DOC2A: variants seen among roughly 807,000 people sequenced by gnomAD.
The protein encoded by DOC2A is double C2-like domain-containing protein alpha.
In DOC2A, 28 loss-of-function variants were observed where a neutral mutation model predicts 40.6. The ratio of observed to expected loss-of-function variants is 0.69; its 90% CI spans 0.51 to 0.95. DOC2A has a LOEUF of 0.95. Among genes scored for constraint, DOC2A ranks in the 40% least tolerant of loss-of-function variants. The pLI is 0.00. For synonymous variants in DOC2A, 241 were observed against 236.9 expected (o/e 1.02, Z -0.16); for missense variants, 474 against 552.5 (o/e 0.86, Z 1.42).
chr16:30,013,603 C>CAAAA (rs61309249), upstream of DOC2A: 28 of 34,886 alleles, frequency 8.0e-4, no homozygotes, highest in Middle Eastern at 0.01. Context: ...GACCCTGTCT[C>CAAAA]AAAAAAAAAA....
chr16:30,016,055 A>ATATATTTTTTT (rs1163519904), upstream of DOC2A, among the ~76,000 whole-genome samples: 5 of 16,898 alleles, frequency 3.0e-4, no homozygotes, highest in Admixed American at 1.2e-3. Flanking sequence ...ATATATATAT[A>ATATATTTTTTT]TTTTTTTTTT....
rs143554943 is a variant in DOC2A at position 30,009,217 on chromosome 16, C to G, written c.402G>C (p.Leu134=). 322 of 1,587,206 alleles carry G rather than the reference C, an allele frequency of 2.0e-4. No individual in the cohort carries two copies. The highest frequency in any genetic ancestry group is 2.3e-4 in the Non-Finnish European group (267 of 1,165,540). ...AGGCTGTTACCTTACAGGCTCCAGG[C>G]AGCAAGTGCAGCTTGACGTAGGGGT... is the stretch of plus-strand genomic sequence containing the variant. ...LADPYVKLHL[L]PGACKANKLK... The change falls in exon 4 of 11, where the codon CTG becomes CTC. Residue 134 remains leucine (L), a synonymous_variant. Transcript: ENST00000350119. The surrounding 1 kb of genome is among the most constrained non-coding windows in gnomAD (Gnocchi z 4.1).
chr16:30,009,101 T>C lies in DOC2A; in HGVS notation c.422A>G (p.Asn141Ser), dbSNP rs769699664. ...LHLLPGACKA[N>S]KLKTKTQRNT... ...CCTCTGAGTCTTCGTTTTTAGCTTA[T>C]TGGCCTGGGATGTGGGGATGAAAGG... is the stretch of plus-strand genomic sequence containing the variant. Residue 141 changes from asparagine to serine, a missense_variant, in exon 5 of 11, where the codon AAT becomes AGT. By Grantham distance (46) the Asn-to-Ser change is conservative. Coordinates refer to ENST00000350119, the MANE Select transcript of DOC2A (RefSeq NM_003586.3). The surrounding 1 kb of genome is among the most constrained non-coding windows in gnomAD (Gnocchi z 4.1). 2 of 1,614,024 alleles carry C rather than the reference T, an allele frequency of 1.2e-6. No homozygotes were observed. The highest frequency in any genetic ancestry group is 3.3e-5 in the Admixed American group (2 of 60,024).
chr16:30,005,868 G>A lies in DOC2A; in HGVS notation c.*318C>T, dbSNP rs751798869. 7 of 489,966 alleles carry A rather than the reference G, an allele frequency of 1.4e-5. No homozygotes were observed. Among genetic ancestry groups the A allele is most frequent in the Non-Finnish European group, 2.2e-5 (6 of 275,574 alleles). 30.4% of individuals were successfully genotyped at this position (489,966 alleles called of 1,614,324 possible). A position where few individuals can be genotyped will look rare whatever the true frequency, so the allele number is the denominator to read the frequency against. ...TAATCCGACCTCCTCCCTGTTGGGG[G>A]AGAGGGACGGGGCAGCGTGGAGAGG... On this transcript the variant is annotated 3_prime_UTR_variant, in exon 11 of 11. Coordinates refer to ENST00000350119, the MANE Select transcript of DOC2A (RefSeq NM_003586.3).
intron 1 of DOC2A, among the ~76,000 whole-genome samples, chr16:30,018,468 G>A (rs2070879217): frequency 6.6e-6 from 1 of 152,110 alleles, no homozygotes; most frequent in African/African-American, 2.4e-5. Context: ...TTACAGGCAT[G>A]AGCCCCCGAA....
chr16:30,009,281 A>T lies in DOC2A; in HGVS notation c.343-5T>A. The T allele has an allele frequency of 6.4e-7, 1 of 1,554,970 alleles. No homozygotes were observed. The highest frequency in any genetic ancestry group is 8.7e-7 in the Non-Finnish European group (1 of 1,148,924). On this transcript the variant is annotated splice_region_variant and splice_polypyrimidine_tract_variant and intron_variant, in intron 3 of 10. Transcript: ENST00000350119. This position sits in a 1 kb window ranked among gnomAD's most constrained non-coding sequence, Gnocchi z 4.1. Reference sequence around the variant, plus strand: ...GAAATCCATGGGCTTGAGGCCCTGGAGAGGAGGGCAGGGGAGAGGGCTAGA... The same window carrying T: ...GAAATCCATGGGCTTGAGGCCCTGGTGAGGAGGGCAGGGGAGAGGGCTAGA...
At chr16:30,020,174 G>T (rs2070894729) in intron 1 of DOC2A, among the ~76,000 whole-genome samples, 1 of 152,124 alleles carries the variant, frequency 6.6e-6, no homozygotes, top group Admixed American at 6.5e-5. Flanking sequence ...CTCCCAAAGT[G>T]CTGGGATTAT....
upstream of DOC2A, among the ~76,000 whole-genome samples, chr16:30,014,373 C>T (rs1279117593): frequency 5.3e-5 from 8 of 151,908 alleles, no homozygotes; most frequent in South Asian, 2.1e-4. Flanking sequence ...CCATGGCTCA[C>T]GCCTGTAATC....
rs946001066 is a variant in DOC2A, at chr16:30,006,011, T to G, written c.*175A>C. 4.2e-5 allele frequency: 30 copies of G among 705,920 alleles called. No individual in the cohort carries two copies. The highest frequency in any genetic ancestry group is 6.7e-5 in the Non-Finnish European group (29 of 434,058). The allele number at this position is 705,920 out of a possible 1,614,324, so 43.7% of individuals were successfully genotyped here. ...GAGTCAGGCAGGAGGTTTGCATATG[T>G]GAATATAGAACTCCGCAGCCCCTCA... On this transcript the variant is annotated 3_prime_UTR_variant, in exon 11 of 11. Coordinates refer to ENST00000350119, the MANE Select transcript of DOC2A (RefSeq NM_003586.3). The surrounding 1 kb of genome is among the most constrained non-coding windows in gnomAD (Gnocchi z 6.2).
upstream of DOC2A, among the ~76,000 whole-genome samples, chr16:30,013,158 CAAAAAAAAAAAA>C (rs1171077200): frequency 7.7e-5 from 3 of 39,182 alleles, no homozygotes; most frequent in Non-Finnish European, 1.3e-4. Flanking sequence ...CCTGTCTCTA[CAAAAAAAAAAAA>C]AAAAAAAAAA....
chr16:30,019,914 T>C (rs2070892940), intron 1 of DOC2A, among the ~76,000 whole-genome samples: 1 of 150,748 alleles, frequency 6.6e-6, no homozygotes, highest in South Asian at 2.1e-4. Flanking sequence ...TTTTTTTTTT[T>C]CTTTTTCTTT....
At chr16:30,007,544 A>T in intron 5 of DOC2A, 1 of 562,514 alleles carries the variant, frequency 1.8e-6, no homozygotes, top group Non-Finnish European at 3.2e-6. Flanking sequence ...ATCTTGGAGC[A>T]CGCTGCTCAC....
At chr16:30,022,517 A>T (rs1303150615), upstream of DOC2A, among the ~76,000 whole-genome samples, 2 of 152,024 alleles carry the variant, frequency 1.3e-5, no homozygotes, top group African/African-American at 4.8e-5. Context: ...CAAAAAATGC[A>T]AAAATTAGCC....
intron 1 of DOC2A, among the ~76,000 whole-genome samples, chr16:30,017,974 AAAAAG>A (rs1232272913): frequency 6.7e-6 from 1 of 149,254 alleles, no homozygotes; most frequent in African/African-American, 2.5e-5. Context: ...AAAAAAAAAA[AAAAAG>A]AAAGAAAAGA....
Position 30,009,879 on chromosome 16 carries a change from A to C in DOC2A, c.262+82T>G. On this transcript the variant is annotated intron_variant, in intron 2 of 10. Coordinates refer to ENST00000350119, the MANE Select transcript of DOC2A (RefSeq NM_003586.3). This position sits in a 1 kb window ranked among gnomAD's most constrained non-coding sequence, Gnocchi z 4.1. ...TCCCCTACCTACATGCACAGCCAGC[A>C]GGGCCCATCCCCCTCTCCCCCCACC... The C allele has an allele frequency of 4.4e-5, 55 of 1,241,030 alleles. No individual in the cohort carries two copies. Among genetic ancestry groups the C allele is most frequent in the Middle Eastern group, 2.9e-4 (1 of 3,508 alleles). The allele number at this position is 1,241,030 out of a possible 1,614,324, so 76.9% of individuals were successfully genotyped here. A position where few individuals can be genotyped will look rare whatever the true frequency, so the allele number is the denominator to read the frequency against.
rs2070557709 is a variant in DOC2A, at chr16:30,005,719, C to T, written c.*467G>A. The T allele has an allele frequency of 1.9e-6, 1 of 526,494 alleles. No individual in the cohort carries two copies. Among genetic ancestry groups the T allele is most frequent in the Non-Finnish European group, 3.3e-6 (1 of 300,576 alleles). 32.6% of individuals were successfully genotyped at this position (526,494 alleles called of 1,614,324 possible). On this transcript the variant is annotated 3_prime_UTR_variant, in exon 11 of 11. Coordinates refer to ENST00000350119, the MANE Select transcript of DOC2A (RefSeq NM_003586.3). ...GGAGGCAGAGACCCTGCAATGGCCA[C>T]CTCTTTAAAAGGGCAGCTGTACAGG...
chr16:30,006,902 C>T lies in DOC2A; in HGVS notation c.761G>A (p.Arg254His), dbSNP rs1233786472. ...QGQGLLEERG[R>H]ILLSLSYSSR... ...GCTGTAGCTGAGACTCAGCAGGATG[C>T]GGCCACGCTCCTCCAGCAGCCCCTG... The change falls in exon 8 of 11, where the codon CGC (arginine) becomes CAC (histidine). Residue 254 changes from arginine to histidine, a missense_variant. By Grantham distance (29) the Arg-to-His change is conservative. Coordinates refer to ENST00000350119, the MANE Select transcript of DOC2A (RefSeq NM_003586.3). This position sits in a 1 kb window ranked among gnomAD's most constrained non-coding sequence, Gnocchi z 6.2. The T allele has an allele frequency of 1.1e-5, 17 of 1,612,772 alleles. No individual in the cohort carries two copies. The highest frequency in any genetic ancestry group is 1.4e-5 in the Non-Finnish European group (16 of 1,179,498).
At chr16:30,008,371 G>A (rs956843167) in intron 5 of DOC2A, 1 of 159,444 alleles carries the variant, frequency 6.3e-6, no homozygotes, top group Non-Finnish European at 1.4e-5. Context: ...AGGGGGCAGA[G>A]CTTGGACTGA....
Position 30,005,841 on chromosome 16 carries a change from C to G in DOC2A, c.*345G>C. ...AGACATTCTCCTCCTCTGAACCTCC[C>G]CTAATCCGACCTCCTCCCTGTTGGG... is the stretch of plus-strand genomic sequence containing the variant. On this transcript the variant is annotated 3_prime_UTR_variant, in exon 11 of 11. Transcript: ENST00000350119. The G allele has an allele frequency of 2.1e-6, 1 of 474,848 alleles. No individual in the cohort carries two copies. 29.4% of individuals were successfully genotyped at this position (474,848 alleles called of 1,614,324 possible).
Sources: allele counts gnomAD v4.1 joint callset (sites outside exome capture counted in the v4.1 genomes callset), GRCh38; gene constraint gnomAD v4.1.1; non-coding constraint Gnocchi (gnomAD v3.1); transcripts MANE v1.5; gene names NCBI Gene and HGNC (gene_info 2026-07-23, HGNC 2026-07-21).